The following ATRN variants were observed in gnomAD, a reference collection of about 807,000 sequenced individuals.
ATRN encodes attractin-2.
ATRN carries 54 observed loss-of-function variants against 178.7 expected under a neutral mutation model. The observed-to-expected ratio is 0.30, with a 90% confidence interval of 0.24 to 0.38. The LOEUF (loss-of-function observed/expected upper bound fraction) is 0.38. Ranked by LOEUF, ATRN falls within the 10% of genes least tolerant of loss-of-function variation. The pLI is 1.00. For synonymous variants in ATRN, 636 were observed against 663.0 expected (o/e 0.96, Z 0.63); for missense variants, 1,443 against 1,815.1 (o/e 0.79, Z 3.73).
At chr20:3,564,286 C>T (rs1339705962) in intron 10 of ATRN, among the ~76,000 whole-genome samples, 2 of 152,154 alleles carry the variant, frequency 1.3e-5, no homozygotes, top group Non-Finnish European at 2.9e-5. Flanking sequence ...CCTCTGAGTA[C>T]CCTTTAAGTC....
chr20:3,628,633 T>C (rs1745880137), intron 25 of ATRN, among the ~76,000 whole-genome samples: 1 of 152,082 alleles, frequency 6.6e-6, no homozygotes, highest in South Asian at 2.1e-4. Flanking sequence ...ATAGTATATG[T>C]AGGGTTCAGT....
At chr20:3,603,647 G>GC (rs1234815694) in intron 23 of ATRN, among the ~76,000 whole-genome samples, 1 of 151,888 alleles carries the variant, frequency 6.6e-6, no homozygotes, top group Non-Finnish European at 1.5e-5. Flanking sequence ...GCGCCACCAC[G>GC]CCTGGCTAAT....
chr20:3,512,101 A>AT (rs1409889165), intron 1 of ATRN, among the ~76,000 whole-genome samples: 3 of 119,274 alleles, frequency 2.5e-5, no homozygotes, highest in African/African-American at 8.1e-5. Flanking sequence ...ATATATATAT[A>AT]TATATATTTT....
intron 27 of ATRN, among the ~76,000 whole-genome samples, chr20:3,641,005 A>G (rs753037761): frequency 5.3e-5 from 8 of 152,246 alleles, no homozygotes; most frequent in Non-Finnish European, 1.2e-4. Flanking sequence ...TACTCCAGTA[A>G]CAAAAAAATA....
chr20:3,610,710 C>G (rs552696719), intron 24 of ATRN, among the ~76,000 whole-genome samples: 1 of 145,070 alleles, frequency 6.9e-6, no homozygotes, highest in Non-Finnish European at 1.5e-5. Flanking sequence ...GTTGCTGGGA[C>G]TACAGGTGCA....
chr20:3,559,128 GA>G (rs1470076579), intron 6 of ATRN, among the ~76,000 whole-genome samples: 1 of 152,150 alleles, frequency 6.6e-6, no homozygotes, highest in African/African-American at 2.4e-5. Context: ...ACTGTGTATA[GA>G]AGAGGTTTTC....
intron 19 of ATRN, among the ~76,000 whole-genome samples, chr20:3,592,083 A>G (rs1408793721): frequency 6.6e-6 from 1 of 152,136 alleles, no homozygotes; most frequent in Non-Finnish European, 1.5e-5. Context: ...CTCAATACTT[A>G]TAGTGTATTT....
chr20:3,638,679 A>T lies in ATRN; in HGVS notation c.3943-149A>T. ...CATCCAACAAAATTTAGTAATCCCT[A>T]ATGTTATCTAATATCAAGTCTAAAA... On this transcript the variant is annotated intron_variant, in intron 26 of 28. Coordinates refer to ENST00000262919, the MANE Select transcript of ATRN (RefSeq NM_139321.3). The surrounding 1 kb of genome is among the most constrained non-coding windows in gnomAD (Gnocchi z 4.5). The T allele has an allele frequency of 1.6e-6, 1 of 640,922 alleles. No individual in the cohort carries two copies. Among genetic ancestry groups the T allele is most frequent in the Non-Finnish European group, 2.7e-6 (1 of 375,722 alleles). The allele number at this position is 640,922 out of a possible 1,614,324, so 39.7% of individuals were successfully genotyped here.
Position 3,549,838 on chromosome 20 carries a change from G to A in ATRN, c.1112+500G>A, listed in dbSNP as rs183613802. 1.2e-4 allele frequency among the ~76,000 whole-genome samples: 18 copies of A among 152,214 alleles called. No homozygotes were observed. The East Asian group carries it at 3.3e-3, about 28-fold the overall frequency. ...AAATTTATAAACATTTAATCTTGCT[G>A]ATTTTATTACCTGGAACTTTTTTCT... On this transcript the variant is annotated intron_variant, in intron 6 of 28. Coordinates refer to ENST00000262919, the MANE Select transcript of ATRN (RefSeq NM_139321.3).
At chr20:3,488,228 A>AT (rs755043559) in intron 1 of ATRN, among the ~76,000 whole-genome samples, 13 of 151,852 alleles carry the variant, frequency 8.6e-5, no homozygotes, top group African/African-American at 2.4e-4. Context: ...AAATGTATTG[A>AT]TTTTTTTCCC....
At position 3,650,439 on chromosome 20, in the gene ATRN, G is replaced by T. The variant is rs1221627595; in HGVS notation, c.*3592G>T. 2.0e-5 allele frequency: 3 copies of T among 152,630 alleles called. No homozygotes were observed. Among genetic ancestry groups the T allele is most frequent in the Non-Finnish European group, 4.4e-5 (3 of 68,052 alleles). 9.5% of individuals were successfully genotyped at this position (152,630 alleles called of 1,614,324 possible). ...CTGTCATCCCAGGAGATCTTTCCTT[G>T]TGGTGGTTTCTGTGAGAATTGGCCA... On this transcript the variant is annotated 3_prime_UTR_variant, in exon 29 of 29. Transcript: ENST00000262919.
At chr20:3,471,816 C>T (rs1051322509) in intron 1 of ATRN, among the ~76,000 whole-genome samples, 1 of 152,192 alleles carries the variant, frequency 6.6e-6, no homozygotes, top group African/African-American at 2.4e-5. Context: ...AAGCCGATCG[C>T]TCTAAAACTC....
At chr20:3,492,720 G>A (rs987999492) in intron 1 of ATRN, among the ~76,000 whole-genome samples, 3 of 151,738 alleles carry the variant, frequency 2.0e-5, no homozygotes, top group African/African-American at 4.8e-5. Flanking sequence ...CATTTCGGGT[G>A]GACTGTAGTT....
At chr20:3,596,548 C>A in intron 21 of ATRN, 119 bp downstream of exon 21, 3 of 898,462 alleles carry the variant, frequency 3.3e-6, no homozygotes, top group Non-Finnish European at 5.3e-6. Flanking sequence ...ATGAAGTGTT[C>A]CCAGACTTGA....
intron 6 of ATRN, among the ~76,000 whole-genome samples, chr20:3,553,014 T>C (rs949479136): frequency 1.1e-4 from 17 of 152,144 alleles, no homozygotes; most frequent in Admixed American, 9.8e-4. Context: ...GCTTACCTCC[T>C]AGGGGAGGGG....
At chr20:3,564,151 G>A (rs759771785) in intron 10 of ATRN, among the ~76,000 whole-genome samples, 1 of 152,164 alleles carries the variant, frequency 6.6e-6, no homozygotes, top group Admixed American at 6.5e-5. Context: ...CACTCAGTTT[G>A]TACATTGAGG....
chr20:3,549,130 A>G, intron 5 of ATRN, 40 bp from the exon 6 acceptor site: 1 of 1,516,414 alleles, frequency 6.6e-7, no homozygotes, highest in Non-Finnish European at 8.9e-7. Flanking sequence ...TAAGCTTTAA[A>G]GCTGTCTTTT....
Position 3,576,935 on chromosome 20 carries a change from G to A in ATRN, c.2291G>A (p.Ser764Asn), listed in dbSNP as rs2086220765. 6.2e-7 allele frequency: 1 copy of A among 1,614,114 alleles called. No homozygotes were observed. Residue 764 changes from serine to asparagine, a missense_variant, in exon 14 of 29, where the codon AGC becomes AAC. Coordinates refer to ENST00000262919, the MANE Select transcript of ATRN (RefSeq NM_139321.3). Reference protein sequence around the residue: ...YYCNKKTSCRSCALDQNCQWE... With the variant: ...YYCNKKTSCRNCALDQNCQWE... ...TGTAACAAGAAGACCAGCTGCAGGAGCTGTGCCCTGGACCAGAACTGCCAG... is the reference window on the plus strand; with the variant it reads ...TGTAACAAGAAGACCAGCTGCAGGAACTGTGCCCTGGACCAGAACTGCCAG...
intron 24 of ATRN, among the ~76,000 whole-genome samples, chr20:3,618,543 TG>T (rs1313046492): frequency 2.6e-5 from 4 of 152,190 alleles, no homozygotes; most frequent in African/African-American, 9.6e-5. Flanking sequence ...ATAGGAATTC[TG>T]GAGAATGGTC....
Sources: gnomAD v4.1 joint callset for allele counts (sites outside exome capture counted in the v4.1 genomes callset) on GRCh38, gnomAD v4.1.1 for gene constraint, Gnocchi (gnomAD v3.1) non-coding constraint, MANE v1.5 for transcripts, NCBI Gene and HGNC (gene_info 2026-07-23, HGNC 2026-07-21) for gene names.